BCR: variants seen among roughly 807,000 people sequenced by gnomAD.
BCR encodes breakpoint cluster region protein.
In BCR, 58 loss-of-function variants were observed where a neutral mutation model predicts 138.6. The ratio of observed to expected loss-of-function variants is 0.42; its 90% CI spans 0.34 to 0.52. The LOEUF (loss-of-function observed/expected upper bound fraction) is 0.52. Ranked by LOEUF, BCR falls within the 20% of genes least tolerant of loss-of-function variation. The pLI, the probability that BCR is intolerant of heterozygous loss-of-function variation, is 0.06. For missense variants in BCR, 1,599 were observed against 1,727.2 expected, an observed-to-expected ratio of 0.93 and a Z score of 1.32; for synonymous variants, 786 against 730.1, an observed-to-expected ratio of 1.08 and a Z score of -1.23.
In BCR at chr22:23,198,989, G is replaced by T. The variant is rs568134783; in HGVS notation, c.1279+16750G>T. On this transcript the variant is annotated intron_variant, in intron 1 of 22. Transcript: ENST00000305877. The stretch of plus-strand genomic sequence containing the variant: ...ACACAAAAATTAGCTGGACGTGGGG[G>T]TGCACACCTGTGATCCCAGCTACTC... 1.4e-4 allele frequency among the ~76,000 whole-genome samples: 22 copies of T among 152,254 alleles called. No individual in the cohort carries two copies. The South Asian group carries it at 3.5e-3, about 24-fold the overall frequency.
intron 19 of BCR, 53 bp downstream of exon 19, chr22:23,311,889 G>T: frequency 6.2e-7 from 1 of 1,600,528 alleles, no homozygotes; most frequent in South Asian, 1.1e-5. Context: ...TGGTGTCCGC[G>T]ATGAGATCTC....
chr22:23,226,575 G>A (rs891108645), intron 1 of BCR, among the ~76,000 whole-genome samples: 5 of 152,182 alleles, frequency 3.3e-5, no homozygotes, highest in Non-Finnish European at 5.9e-5. Flanking sequence ...TCACATTTAG[G>A]CCAGGGGTTG....
intron 1 of BCR, among the ~76,000 whole-genome samples, chr22:23,210,007 A>G (rs946008870): frequency 5.3e-5 from 8 of 152,194 alleles, no homozygotes; most frequent in African/African-American, 1.7e-4. Context: ...TTTTCAACTA[A>G]CTTCCTTTAC....
At chr22:23,294,435 C>T (rs1262739582) in intron 15 of BCR, among the ~76,000 whole-genome samples, 1 of 152,216 alleles carries the variant, frequency 6.6e-6, no homozygotes, top group African/African-American at 2.4e-5. Flanking sequence ...GAGTCTCACA[C>T]TGTTGGCCAG....
intron 13 of BCR, chr22:23,289,941 C>T (rs923686909): frequency 3.9e-6 from 2 of 514,556 alleles, no homozygotes; most frequent in African/African-American, 3.8e-5. Flanking sequence ...CAGCCCTCCT[C>T]TCCTCCAGCT....
chr22:23,272,985 C>A, intron 6 of BCR, 96 bp from the exon 7 acceptor site: 1 of 1,356,842 alleles, frequency 7.4e-7, no homozygotes, highest in Non-Finnish European at 1.0e-6. Flanking sequence ...GAGGCTGGGG[C>A]AGCCCCCTCC....
chr22:23,290,291 T>A, intron 13 of BCR, 48 bp from the exon 14 acceptor site: 1 of 1,571,056 alleles, frequency 6.4e-7, no homozygotes, highest in Non-Finnish European at 8.8e-7. Context: ...GTCACCTGCC[T>A]CCCTTTCCCG....
intron 1 of BCR, among the ~76,000 whole-genome samples, chr22:23,216,828 C>T (rs2072759190): frequency 6.6e-6 from 1 of 152,240 alleles, no homozygotes; most frequent in Admixed American, 6.5e-5. Context: ...CATTGTTCTG[C>T]AGTGAAGCCT....
intron 4 of BCR, chr22:23,262,773 G>C (rs2073380228): frequency 2.1e-6 from 2 of 947,304 alleles, no homozygotes; most frequent in Non-Finnish European, 2.5e-6. Flanking sequence ...GTGACGAGGG[G>C]GAAGCGAAGG....
intron 1 of BCR, among the ~76,000 whole-genome samples, chr22:23,204,244 GCTC>G (rs2072586725): frequency 6.6e-6 from 1 of 152,128 alleles, no homozygotes; most frequent in African/African-American, 2.4e-5. Flanking sequence ...ACCCACGCTT[GCTC>G]CTCCTCTTGC....
At chr22:23,249,637 A>G (rs1826242910) in intron 1 of BCR, among the ~76,000 whole-genome samples, 1 of 151,902 alleles carries the variant, frequency 6.6e-6, no homozygotes, top group African/African-American at 2.4e-5. Flanking sequence ...AGGGGAGCTC[A>G]GGTGTGAAAA....
chr22:23,229,294 A>G lies in BCR; in HGVS notation c.1280-24505A>G, dbSNP rs117802493. Reference sequence around the variant, plus strand: ...TTTCTTCTTAGAGCATGGTTATAATAGCTGCTTTAAAGTCTTAGTCTGATA... The same window carrying G: ...TTTCTTCTTAGAGCATGGTTATAATGGCTGCTTTAAAGTCTTAGTCTGATA... On this transcript the variant is annotated intron_variant, in intron 1 of 22. Transcript: ENST00000305877. 8.7e-3 allele frequency among the ~76,000 whole-genome samples: 1,331 copies of G among 152,198 alleles called. 16 individuals carry two copies. Among genetic ancestry groups the G allele is most frequent in the Non-Finnish European group, 0.012 (837 of 68,016 alleles).
At chr22:23,221,086 A>G (rs1211135999) in intron 1 of BCR, among the ~76,000 whole-genome samples, 1 of 152,192 alleles carries the variant, frequency 6.6e-6, no homozygotes, top group Non-Finnish European at 1.5e-5. Flanking sequence ...CTCCTGGTTC[A>G]GCTTCCTTGA....
chr22:23,275,560 G>A (rs1229321919), intron 8 of BCR, among the ~76,000 whole-genome samples: 2 of 152,226 alleles, frequency 1.3e-5, no homozygotes, highest in East Asian at 1.9e-4. Flanking sequence ...CCATGGCTGG[G>A]ACCTGGGAGT....
At chr22:23,261,731 CT>C (rs370187627) in intron 4 of BCR, 191 bp downstream of exon 4, 70,415 of 301,884 alleles carry the variant, frequency 0.23, 2,990 homozygotes, top group South Asian at 0.32. Flanking sequence ...CATGCCCAGC[CT>C]TTTTTTTTTT....
At chr22:23,274,690 AG>A (rs386820048) in intron 8 of BCR, among the ~76,000 whole-genome samples, 60 of 152,166 alleles carry the variant, frequency 3.9e-4, no homozygotes, top group African/African-American at 1.4e-3. Flanking sequence ...CGGGTGGATC[AG>A]GAGGTCAAGA....
At chr22:23,257,093 C>T (rs2073302958) in intron 2 of BCR, among the ~76,000 whole-genome samples, 1 of 152,140 alleles carries the variant, frequency 6.6e-6, no homozygotes, top group Non-Finnish European at 1.5e-5. Flanking sequence ...TATAAATAGC[C>T]CCAGGCCAGG....
Position 23,181,922 on chromosome 22 carries a change from T to A in BCR, c.962T>A (p.Phe321Tyr). 6.2e-7 allele frequency: 1 copy of A among 1,613,366 alleles called. No homozygotes were observed. Among genetic ancestry groups the A allele is most frequent in the Non-Finnish European group, 8.5e-7 (1 of 1,179,954 alleles). ...CGCAGGTCCTACTCCCCCCGGAGTT[T>A]TGAGGATTGCGGAGGCGGCTATACC... ...WPRRSYSPRS[F>Y]EDCGGGYTPD... The change falls in exon 1 of 23, where the codon TTT becomes TAT. Residue 321 changes from phenylalanine to tyrosine, a missense_variant. Physicochemically the swap from Phe to Tyr is conservative, Grantham distance 22 (BLOSUM62 3). Transcript: ENST00000305877.
At chr22:23,279,808 C>T (rs900386673) in intron 8 of BCR, among the ~76,000 whole-genome samples, 27 of 152,196 alleles carry the variant, frequency 1.8e-4, no homozygotes, top group African/African-American at 5.1e-4. Flanking sequence ...ATGTCGTAGT[C>T]GGTTCAGGCT....
Sources: gnomAD v4.1 joint callset for allele counts (sites outside exome capture counted in the v4.1 genomes callset) on GRCh38, gnomAD v4.1.1 for gene constraint, MANE v1.5 for transcripts, NCBI Gene and HGNC (gene_info 2026-07-23, HGNC 2026-07-21) for gene names.